DOCK4: variants seen among roughly 807,000 people sequenced by gnomAD.
DOCK4 encodes dedicator of cytokinesis protein 4.
In DOCK4, 97 loss-of-function variants were observed where a neutral mutation model predicts 268.1. That is an observed-to-expected ratio of 0.36 (90% CI 0.31 to 0.43). The LOEUF is 0.43. Among genes scored for constraint, DOCK4 ranks in the 20% least tolerant of loss-of-function variants. The probability of loss-of-function intolerance (pLI) is 1.00; values close to 1 mark genes in which losing one functional copy is unlikely to be tolerated. For missense variants in DOCK4, 2,145 were observed against 2,455.7 expected (o/e 0.87, Z 2.67); for synonymous variants, 954 against 887.2 (o/e 1.08, Z -1.34).
At chr7:112,066,556 A>T (rs1029447577) in intron 1 of DOCK4, among the ~76,000 whole-genome samples, 1 of 142,080 alleles carries the variant, frequency 7.0e-6, no homozygotes, top group East Asian at 2.0e-4. Context: ...ACACATATAT[A>T]CGTATATATA....
intron 36 of DOCK4, among the ~76,000 whole-genome samples, chr7:111,774,012 G>A (rs930704876): frequency 6.6e-6 from 1 of 151,322 alleles, no homozygotes; most frequent in Non-Finnish European, 1.5e-5. Context: ...GTCAAACCTT[G>A]TCTCAAAAAA....
At chr7:111,805,798 C>T (rs1170350907) in intron 30 of DOCK4, among the ~76,000 whole-genome samples, 1 of 152,170 alleles carries the variant, frequency 6.6e-6, no homozygotes, top group Non-Finnish European at 1.5e-5. Context: ...CTAAATTAGA[C>T]CAACTAGACA....
chr7:112,077,958 G>A (rs183868295), intron 1 of DOCK4, among the ~76,000 whole-genome samples: 18 of 152,016 alleles, frequency 1.2e-4, no homozygotes, highest in Non-Finnish European at 2.4e-4. Flanking sequence ...TTTGTGTTTT[G>A]TATTTATTAG....
chr7:111,746,957 T>A (rs1796318487), intron 43 of DOCK4, among the ~76,000 whole-genome samples: 1 of 152,054 alleles, frequency 6.6e-6, no homozygotes, highest in African/African-American at 2.4e-5. Flanking sequence ...GCCCATGAAC[T>A]TCTTTGCTTA....
chr7:112,129,579 A>G (rs1379513386), intron 1 of DOCK4, among the ~76,000 whole-genome samples: 1 of 152,184 alleles, frequency 6.6e-6, no homozygotes, highest in Non-Finnish European at 1.5e-5. Flanking sequence ...CAATGTACCA[A>G]TTTTAATAAA....
At chr7:111,853,710 G>C (rs533718830) in intron 23 of DOCK4, among the ~76,000 whole-genome samples, 1 of 152,078 alleles carries the variant, frequency 6.6e-6, no homozygotes, top group African/African-American at 2.4e-5. Context: ...CACCCTGAAT[G>C]CCTCCACCTC....
At chr7:111,865,391 T>A (rs572467787) in intron 22 of DOCK4, among the ~76,000 whole-genome samples, 70 of 152,328 alleles carry the variant, frequency 4.6e-4, no homozygotes, top group Non-Finnish European at 9.0e-4. Context: ...CCCAAAGGAC[T>A]GTGGTGATGG....
intron 1 of DOCK4, among the ~76,000 whole-genome samples, chr7:112,183,634 A>G (rs941476725): frequency 2.0e-5 from 3 of 152,208 alleles, no homozygotes; most frequent in Non-Finnish European, 4.4e-5. Flanking sequence ...AACAAATGCC[A>G]GGAGGGCTGT....
In DOCK4 at chr7:111,977,268, G is replaced by A. The variant is rs1411547516; in HGVS notation, c.565C>T (p.Arg189Trp). Residue 189 changes from arginine to tryptophan, a missense_variant, in exon 8 of 53, where the codon CGG becomes TGG. Transcript: ENST00000428084. The part of the protein sequence containing the change: ...ELYRLMEHRH[R>W]KKDTPVQASS... ...GCCTGCACCGGGGTGTCTTTCTTCCGATGTCGATGTTCCATCTGAATGACA... is the reference window on the plus strand; with the variant it reads ...GCCTGCACCGGGGTGTCTTTCTTCCAATGTCGATGTTCCATCTGAATGACA... 5.6e-6 allele frequency: 9 copies of A among 1,599,326 alleles called. No individual in the cohort carries two copies. The highest frequency in any genetic ancestry group is 2.3e-5 in the East Asian group (1 of 44,372).
chr7:111,766,194 C>T (rs1049045136), intron 38 of DOCK4, among the ~76,000 whole-genome samples: 1 of 152,218 alleles, frequency 6.6e-6, no homozygotes, highest in Non-Finnish European at 1.5e-5. Context: ...GAACTGCTGA[C>T]ATGAAATACT....
chr7:111,974,458 GA>G (rs1211978445), intron 8 of DOCK4, among the ~76,000 whole-genome samples: 6 of 147,752 alleles, frequency 4.1e-5, no homozygotes, highest in African/African-American at 1.2e-4. Context: ...TTTCTCCGAG[GA>G]TCATTACAGA....
chr7:112,029,740 T>G (rs969476452), intron 1 of DOCK4, among the ~76,000 whole-genome samples: 1 of 152,238 alleles, frequency 6.6e-6, no homozygotes, highest in Non-Finnish European at 1.5e-5. Flanking sequence ...TGTTTGCATG[T>G]GTCCACAGAA....
chr7:112,120,054 A>T (rs915707725), intron 1 of DOCK4, among the ~76,000 whole-genome samples: 1 of 152,072 alleles, frequency 6.6e-6, no homozygotes, highest in African/African-American at 2.4e-5. Flanking sequence ...TCACCATGTT[A>T]GCCAGGATGG....
chr7:112,199,860 T>A (rs1820762784), intron 1 of DOCK4, among the ~76,000 whole-genome samples: 1 of 152,204 alleles, frequency 6.6e-6, no homozygotes, highest in South Asian at 2.1e-4. Context: ...AAGGTCCTGG[T>A]AGGAAGACAT....
chr7:111,940,166 G>A lies in DOCK4; in HGVS notation c.921C>T (p.Ser307=), dbSNP rs573994843. ...TCTCTCCTGTTAGCAGGTCAGCGAT[G>A]CTAAGAACTGCACAGCCAAAGGGTC... The part of the protein sequence containing the change: ...YRRPFGCAVL[S]IADLLTGETK... Residue 307 remains serine (S), a synonymous_variant, in exon 11 of 53, where the codon AGC becomes AGT. Transcript: ENST00000428084. The A allele has an allele frequency of 3.1e-6, 5 of 1,613,992 alleles. No individual in the cohort carries two copies. The East Asian group carries it at 8.9e-5, about 29-fold the overall frequency.
intron 1 of DOCK4, among the ~76,000 whole-genome samples, chr7:112,200,728 A>AAAAAAAT (rs1554478859): frequency 3.3e-5 from 4 of 119,554 alleles, no homozygotes; most frequent in East Asian, 2.1e-4. Flanking sequence ...TCTAAAATAA[A>AAAAAAAT]AAAAAAAAAA....
At position 111,868,618 on chromosome 7, in the gene DOCK4, G is replaced by A. The variant is rs566526250; in HGVS notation, c.2110-464C>T. Among the ~76,000 whole-genome samples the A allele has an allele frequency of 2.0e-5, 3 of 152,104 alleles. No individual in the cohort carries two copies. In the South Asian group the frequency reaches 6.2e-4, roughly 32 times the overall value. On this transcript the variant is annotated intron_variant, in intron 21 of 52. Transcript: ENST00000428084. ...CCAGCTACTTGGGAGGCTGAGGCAG[G>A]AGAATTGCTTGAACCTGGCAGGCGG... is the stretch of plus-strand genomic sequence containing the variant.
At chr7:111,898,255 C>G (rs1019168660) in intron 15 of DOCK4, among the ~76,000 whole-genome samples, 1 of 152,218 alleles carries the variant, frequency 6.6e-6, no homozygotes, top group Non-Finnish European at 1.5e-5. Flanking sequence ...CAACCTCAAG[C>G]CTTTTGTACT....
At chr7:112,092,442 C>T (rs1048278335) in intron 1 of DOCK4, among the ~76,000 whole-genome samples, 3 of 152,214 alleles carry the variant, frequency 2.0e-5, no homozygotes, top group Admixed American at 1.3e-4. Context: ...CAAAACAGCT[C>T]CCTACAGAGC....
Sources: allele counts gnomAD v4.1 joint callset (sites outside exome capture counted in the v4.1 genomes callset), GRCh38; gene constraint gnomAD v4.1.1; transcripts MANE v1.5; gene names NCBI Gene and HGNC (gene_info 2026-07-23, HGNC 2026-07-21).